ZNF91: variants seen among roughly 807,000 people sequenced by gnomAD.
The protein encoded by ZNF91 is zinc finger protein 91, also known as zinc finger protein 91 (HPF7, HTF10).
Under a neutral mutation model 12.6 loss-of-function variants are expected in ZNF91, and 7 were observed. The ratio of observed to expected loss-of-function variants is 0.55; its 90% CI spans 0.31 to 1.04. ZNF91 has a LOEUF of 1.04. Ranked by LOEUF, ZNF91 falls within the 50% of genes least tolerant of loss-of-function variation. ZNF91 has a pLI of 0.05. For synonymous variants in ZNF91, 453 were observed against 462.6 expected (o/e 0.98, Z 0.27); for missense variants, 1,217 against 1,385.4 (o/e 0.88, Z 1.93).
chr19:23,323,632 TC>T (rs1304494330), intron 1 of ZNF91, among the ~76,000 whole-genome samples: 1 of 140,874 alleles, frequency 7.1e-6, no homozygotes, highest in Admixed American at 6.9e-5. Flanking sequence ...TCCTTTCTCC[TC>T]CTCCTTCTCT....
At chr19:23,365,944 T>C (rs1968988241) in intron 3 of ZNF91, among the ~76,000 whole-genome samples, 1 of 152,234 alleles carries the variant, frequency 6.6e-6, no homozygotes, top group Non-Finnish European at 1.5e-5. Context: ...CAGAACAAAG[T>C]GAAAAGTCTC....
chr19:23,311,791 A>G (rs1281203882), upstream of ZNF91, among the ~76,000 whole-genome samples: 1 of 151,954 alleles, frequency 6.6e-6, no homozygotes, highest in Non-Finnish European at 1.5e-5. Context: ...GCTGGGTCCA[A>G]CACCTAGGTG....
chr19:23,365,689 G>GT (rs1358735889), intron 3 of ZNF91, among the ~76,000 whole-genome samples: 3 of 152,054 alleles, frequency 2.0e-5, no homozygotes, highest in African/African-American at 7.2e-5. Flanking sequence ...AAGGTCTCTG[G>GT]TTTTCCTAGG....
chr19:23,309,042 G>A (rs911511628), exon 2 of ZNF91: 1 of 146,688 alleles, frequency 6.8e-6, no homozygotes, highest in Non-Finnish European at 1.5e-5. Context: ...GGAGAATAAT[G>A]ACATATCTTT....
intron 1 of ZNF91, among the ~76,000 whole-genome samples, chr19:23,388,658 G>C (rs934077151): frequency 7.2e-5 from 11 of 152,162 alleles, no homozygotes; most frequent in Non-Finnish European, 1.0e-4. Flanking sequence ...AATCACCTGA[G>C]GTCAGGAGTT....
chr19:23,325,410 C>T (rs1212270168), intron 1 of ZNF91: 1 of 152,114 alleles, frequency 6.6e-6, no homozygotes, highest in Non-Finnish European at 1.5e-5. Flanking sequence ...AGTTCTGTTC[C>T]TGCAGAGTGC....
intron 1 of ZNF91, among the ~76,000 whole-genome samples, chr19:23,394,813 A>G (rs899372965): frequency 1.3e-5 from 2 of 152,184 alleles, no homozygotes; most frequent in Non-Finnish European, 2.9e-5. Context: ...TTATAAAAAT[A>G]TCTCCTTCAA....
chr19:23,345,136 T>G (rs182484568), intron 3 of ZNF91, among the ~76,000 whole-genome samples: 1 of 152,318 alleles, frequency 6.6e-6, no homozygotes, highest in East Asian at 1.9e-4. Context: ...TCTAAGCCAT[T>G]TGATCCCGTT....
At chr19:23,365,888 G>A (rs1175503894) in intron 3 of ZNF91, among the ~76,000 whole-genome samples, 2 of 152,290 alleles carry the variant, frequency 1.3e-5, no homozygotes, top group African/African-American at 2.4e-5. Flanking sequence ...TTGGGGGTAA[G>A]GTCATAGATC....
At chr19:23,387,173 A>G (rs1463072750) in intron 1 of ZNF91, among the ~76,000 whole-genome samples, 2 of 152,258 alleles carry the variant, frequency 1.3e-5, no homozygotes, top group Non-Finnish European at 2.9e-5. Context: ...AGAAAAGGGA[A>G]TACTTATACA....
At chr19:23,309,424 A>G (rs946235127) in intron 1 of ZNF91, among the ~76,000 whole-genome samples, 1 of 152,172 alleles carries the variant, frequency 6.6e-6, no homozygotes, top group African/African-American at 2.4e-5. Flanking sequence ...TAACAGTGTG[A>G]CATATCATTG....
chr19:23,366,656 AACAG>A (rs1346928580), intron 3 of ZNF91, among the ~76,000 whole-genome samples: 1 of 152,230 alleles, frequency 6.6e-6, no homozygotes, highest in African/African-American at 2.4e-5. Flanking sequence ...ACCACAAGAT[AACAG>A]ACAGAGCAAG....
chr19:23,328,843 C>A (rs1967881141), intron 1 of ZNF91: 6 of 152,162 alleles, frequency 3.9e-5, no homozygotes, highest in East Asian at 1.9e-4. Flanking sequence ...ACTTCCTGAT[C>A]TTGGATTTTA....
chr19:23,391,821 G>A (rs1369735069), intron 1 of ZNF91, among the ~76,000 whole-genome samples: 1 of 152,010 alleles, frequency 6.6e-6, no homozygotes, highest in Non-Finnish European at 1.5e-5. Context: ...AACTAAGTGG[G>A]TCTTTAAAAA....
chr19:23,323,118 C>T (rs1967745250), intron 1 of ZNF91, among the ~76,000 whole-genome samples: 2 of 145,050 alleles, frequency 1.4e-5, no homozygotes, highest in South Asian at 4.6e-4. Context: ...CTTTTCCTCT[C>T]CTCCTTTTCA....
intron 1 of ZNF91, chr19:23,380,302 A>AAAAAAAG (rs554607914): frequency 1.5e-5 from 2 of 133,640 alleles, no homozygotes; most frequent in African/African-American, 3.0e-5. Context: ...AAAAAAAAAA[A>AAAAAAAG]GAGTGAAGCT....
chr19:23,357,081 G>A (rs574515197), downstream of ZNF91, among the ~76,000 whole-genome samples: 76 of 152,290 alleles, frequency 5.0e-4, no homozygotes, highest in South Asian at 0.012. Context: ...ACAAAAATGA[G>A]CCGGGCGTGG....
chr19:23,365,503 A>T (rs936357963), intron 3 of ZNF91, among the ~76,000 whole-genome samples: 4 of 152,196 alleles, frequency 2.6e-5, no homozygotes, highest in African/African-American at 9.6e-5. Flanking sequence ...AATACTGGAC[A>T]GTATCATAAA....
intron 1 of ZNF91, among the ~76,000 whole-genome samples, chr19:23,382,220 A>G (rs558150098): frequency 4.6e-5 from 7 of 152,266 alleles, no homozygotes; most frequent in African/African-American, 1.7e-4. Flanking sequence ...TCTTATTTCT[A>G]ATTTATATTT....
Sources: allele counts gnomAD v4.1 joint callset (sites outside exome capture counted in the v4.1 genomes callset), GRCh38; gene constraint gnomAD v4.1.1; transcripts MANE v1.5; gene names NCBI Gene and HGNC (gene_info 2026-07-23, HGNC 2026-07-21).